CLSTN2: variants seen among roughly 807,000 people sequenced by gnomAD.
CLSTN2 encodes calsyntenin-2.
CLSTN2 carries 48 observed loss-of-function variants against 101.2 expected under a neutral mutation model. That is an observed-to-expected ratio of 0.47 (90% CI 0.38 to 0.60). The LOEUF is 0.60. CLSTN2 is among the 20% of genes least tolerant of loss of function. The pLI, the probability that CLSTN2 is intolerant of heterozygous loss-of-function variation, is 0.00. For missense variants in CLSTN2, 1,160 were observed against 1,238.2 expected (o/e 0.94, Z 0.95); for synonymous variants, 481 against 463.6 (o/e 1.04, Z -0.48).
At chr3:140,308,716 A>T (rs1474651901) in intron 2 of CLSTN2, among the ~76,000 whole-genome samples, 1 of 152,258 alleles carries the variant, frequency 6.6e-6, no homozygotes, top group Non-Finnish European at 1.5e-5. Context: ...CTCAACGTAC[A>T]GTGCCAAATT....
At chr3:140,502,614 G>A (rs55745214) in intron 8 of CLSTN2, among the ~76,000 whole-genome samples, 15,368 of 152,302 alleles carry the variant, frequency 0.1, 1,007 homozygotes, top group Non-Finnish European at 0.15. Flanking sequence ...AGAAATCAGA[G>A]CACATTGTGC....
At chr3:140,074,739 G>T (rs1049881325) in intron 1 of CLSTN2, among the ~76,000 whole-genome samples, 1 of 152,162 alleles carries the variant, frequency 6.6e-6, no homozygotes, top group Non-Finnish European at 1.5e-5. Context: ...AGTTCCATTT[G>T]ACTCCGGAGC....
At chr3:140,014,184 T>C (rs1377084575) in intron 1 of CLSTN2, among the ~76,000 whole-genome samples, 2 of 152,192 alleles carry the variant, frequency 1.3e-5, no homozygotes, top group Admixed American at 6.5e-5. Flanking sequence ...GTCGAGAGCC[T>C]GTGATGGCAG....
chr3:140,556,775 C>G, intron 11 of CLSTN2, 114 bp downstream of exon 11: 1 of 984,660 alleles, frequency 1.0e-6, no homozygotes, highest in Non-Finnish European at 1.5e-6. Flanking sequence ...CGTCAGCTGT[C>G]CTCAACTTCT....
chr3:140,299,621 T>C (rs1022268310), intron 2 of CLSTN2, among the ~76,000 whole-genome samples: 3 of 152,224 alleles, frequency 2.0e-5, no homozygotes, highest in African/African-American at 7.2e-5. Flanking sequence ...TACTGTGTTT[T>C]TGTGTCGGTC....
chr3:140,526,463 C>A (rs1417516261), intron 8 of CLSTN2, among the ~76,000 whole-genome samples: 3 of 150,704 alleles, frequency 2.0e-5, no homozygotes, highest in East Asian at 1.9e-4. Flanking sequence ...TTGGAAGGAT[C>A]AATATCATTA....
chr3:140,575,125 C>T lies in CLSTN2; in HGVS notation c.*8872C>T, dbSNP rs1456250384. 6.6e-6 allele frequency: 1 copy of T among 152,218 alleles called. No individual in the cohort carries two copies. Among genetic ancestry groups the T allele is most frequent in the Non-Finnish European group, 1.5e-5 (1 of 68,060 alleles). The allele number at this position is 152,218 out of a possible 1,614,324, so 9.4% of individuals were successfully genotyped here. Reference sequence around the variant, plus strand: ...GGTCTGCTCATGTTCACTAGCCAAACTTTAGGTGGTGTGATACAGCAAAAA... The same window carrying T: ...GGTCTGCTCATGTTCACTAGCCAAATTTTAGGTGGTGTGATACAGCAAAAA... On this transcript the variant is annotated 3_prime_UTR_variant, in exon 17 of 17. Coordinates refer to ENST00000458420, the MANE Select transcript of CLSTN2 (RefSeq NM_022131.3).
At chr3:140,141,579 G>A (rs756739743) in intron 1 of CLSTN2, among the ~76,000 whole-genome samples, 16 of 152,210 alleles carry the variant, frequency 1.1e-4, no homozygotes, top group Non-Finnish European at 1.8e-4. Flanking sequence ...CCAGTACAGG[G>A]AACAGCTGCT....
At chr3:140,137,728 GC>G (rs2009636377) in intron 1 of CLSTN2, among the ~76,000 whole-genome samples, 2 of 152,302 alleles carry the variant, frequency 1.3e-5, no homozygotes, top group South Asian at 2.1e-4. Context: ...CACTGTCTCA[GC>G]CTTTCCTCAC....
rs1356998902 is a variant in CLSTN2, at chr3:140,123,835, T to A, written c.110-52116T>A. Reference sequence around the variant, plus strand: ...ATATATATATACACATATATATGTATGTATATGTGTGTGTGTATATATATA... The same window carrying A: ...ATATATATATACACATATATATGTAAGTATATGTGTGTGTGTATATATATA... On this transcript the variant is annotated intron_variant, in intron 1 of 16. Transcript: ENST00000458420. 4.7e-5 allele frequency among the ~76,000 whole-genome samples: 4 copies of A among 84,808 alleles called. No individual in the cohort carries two copies. In the East Asian group the frequency reaches 1.6e-3, roughly 33 times the overall value. 55.6% of individuals were successfully genotyped at this position (84,808 alleles called of 152,430 possible).
intron 5 of CLSTN2, among the ~76,000 whole-genome samples, chr3:140,442,994 A>G (rs1932994065): frequency 2.6e-5 from 4 of 152,232 alleles, no homozygotes; most frequent in Admixed American, 2.6e-4. Flanking sequence ...TTCATCCCTC[A>G]GAGAAAGTCC....
At chr3:140,366,465 C>G (rs932657736) in intron 2 of CLSTN2, among the ~76,000 whole-genome samples, 1 of 152,206 alleles carries the variant, frequency 6.6e-6, no homozygotes, top group Non-Finnish European at 1.5e-5. Flanking sequence ...AACCAAGACA[C>G]TAAAATGCAT....
intron 1 of CLSTN2, among the ~76,000 whole-genome samples, chr3:139,951,781 T>C (rs945467320): frequency 2.0e-4 from 31 of 152,254 alleles, no homozygotes; most frequent in African/African-American, 7.2e-4. Flanking sequence ...AAAAATAACA[T>C]CATTTGATGT....
In CLSTN2 at chr3:140,176,024, G is replaced by A; in HGVS notation, c.183G>A (p.Leu61=). 6.2e-7 allele frequency: 1 copy of A among 1,613,638 alleles called. No individual in the cohort carries two copies. Among genetic ancestry groups the A allele is most frequent in the Non-Finnish European group, 8.5e-7 (1 of 1,179,736 alleles). The change falls in exon 2 of 17, where the codon TTG becomes TTA. Residue 61 remains leucine (L), a synonymous_variant. Coordinates refer to ENST00000458420, the MANE Select transcript of CLSTN2 (RefSeq NM_022131.3). ...CTGAGAACAATGACACAGTCATTTT[G>A]GACCCACCACTGGTAGCCCTGGATA... ...VITENNDTVI[L]DPPLVALDKD... is the part of the protein sequence containing the mutation.
intron 5 of CLSTN2, among the ~76,000 whole-genome samples, chr3:140,433,541 T>C (rs539725787): frequency 7.9e-5 from 12 of 152,310 alleles, no homozygotes; most frequent in African/African-American, 2.9e-4. Flanking sequence ...AATGTCTCCC[T>C]GCAGGGAGTC....
At chr3:140,477,997 C>G (rs552960452) in intron 8 of CLSTN2, among the ~76,000 whole-genome samples, 2 of 152,200 alleles carry the variant, frequency 1.3e-5, no homozygotes, top group Non-Finnish European at 2.9e-5. Flanking sequence ...TTCAGGAATA[C>G]TTTCCTGTAA....
At chr3:139,982,883 C>A (rs1560061302) in intron 1 of CLSTN2, among the ~76,000 whole-genome samples, 1 of 151,438 alleles carries the variant, frequency 6.6e-6, no homozygotes, top group Non-Finnish European at 1.5e-5. Flanking sequence ...AGAGAGAGAC[C>A]ATATGTATAT....
chr3:140,354,209 G>A (rs1327589102), intron 2 of CLSTN2, among the ~76,000 whole-genome samples: 3 of 152,104 alleles, frequency 2.0e-5, no homozygotes, highest in African/African-American at 4.8e-5. Flanking sequence ...ACAACATCCT[G>A]GTTCCATAGG....
intron 10 of CLSTN2, among the ~76,000 whole-genome samples, chr3:140,551,359 T>C (rs1172296780): frequency 6.6e-6 from 1 of 152,152 alleles, no homozygotes; most frequent in Non-Finnish European, 1.5e-5. Context: ...TGCATATTTA[T>C]GAATATTTCT....
Sources: gnomAD v4.1 joint callset for allele counts (sites outside exome capture counted in the v4.1 genomes callset) on GRCh38, gnomAD v4.1.1 for gene constraint, MANE v1.5 for transcripts, NCBI Gene and HGNC (gene_info 2026-07-23, HGNC 2026-07-21) for gene names.